Variants in CADPS2 observed in about 807,000 individuals in gnomAD.
The protein encoded by CADPS2 is calcium-dependent secretion activator 2.
Under a neutral mutation model 172.5 loss-of-function variants are expected in CADPS2, and 93 were observed. That is an observed-to-expected ratio of 0.54 (90% CI 0.46 to 0.64). The LOEUF is 0.64. Ranked by LOEUF, CADPS2 falls within the 30% of genes least tolerant of loss-of-function variation. The probability of loss-of-function intolerance (pLI) is 0.00; values close to 1 mark genes in which losing one functional copy is unlikely to be tolerated. For synonymous variants in CADPS2, 546 were observed against 555.2 expected (o/e 0.98, Z 0.23); for missense variants, 1,420 against 1,565.9 (o/e 0.91, Z 1.57).
At chr7:122,657,955 C>T (rs1427555289) in intron 3 of CADPS2, among the ~76,000 whole-genome samples, 1 of 152,046 alleles carries the variant, frequency 6.6e-6, no homozygotes, top group Non-Finnish European at 1.5e-5. Context: ...AACAGGCAAC[C>T]TACAGAATGG....
At position 122,876,020 on chromosome 7, in the gene CADPS2, T is replaced by TA. The variant is rs199905513; in HGVS notation, c.339+9978dup. Among the ~76,000 whole-genome samples the TA allele has an allele frequency of 4.2e-3, 632 of 149,488 alleles. 1 individual carries two copies. Among genetic ancestry groups the TA allele is most frequent in the Middle Eastern group, 0.038 (11 of 292 alleles). On this transcript the variant is annotated intron_variant, in intron 1 of 29. Coordinates refer to ENST00000449022, the MANE Select transcript of CADPS2 (RefSeq NM_017954.11). Reference sequence around the variant, plus strand: ...ACTTATAAAGTTAACAGATATAACTTAAAAAAAAAATGGAATCTGGCCAGG... The same window carrying TA: ...ACTTATAAAGTTAACAGATATAACTTAAAAAAAAAAATGGAATCTGGCCAGG...
chr7:122,859,070 CACAT>C (rs1816180836), intron 1 of CADPS2, among the ~76,000 whole-genome samples: 1 of 152,194 alleles, frequency 6.6e-6, no homozygotes, highest in Non-Finnish European at 1.5e-5. Flanking sequence ...TCAACCTCAA[CACAT>C]ACCTCAAAAG....
At chr7:122,494,642 G>GT (rs978648280) in intron 9 of CADPS2, among the ~76,000 whole-genome samples, 9 of 151,592 alleles carry the variant, frequency 5.9e-5, no homozygotes, top group Non-Finnish European at 1.2e-4. Context: ...ATAGTGTTGA[G>GT]TTTTTTAAAA....
At chr7:122,571,637 C>T (rs1349520696) in intron 7 of CADPS2, among the ~76,000 whole-genome samples, 1 of 152,114 alleles carries the variant, frequency 6.6e-6, no homozygotes, top group East Asian at 1.9e-4. Context: ...ATAAGCCAGA[C>T]CTAATTAGAA....
chr7:122,352,999 T>C (rs556604679), intron 27 of CADPS2, among the ~76,000 whole-genome samples: 3 of 152,318 alleles, frequency 2.0e-5, no homozygotes, highest in African/African-American at 7.2e-5. Context: ...TAACAATTTA[T>C]TGCAACAGTG....
chr7:122,665,466 G>A (rs1290939514), intron 2 of CADPS2, among the ~76,000 whole-genome samples: 4 of 152,102 alleles, frequency 2.6e-5, no homozygotes, highest in Admixed American at 2.6e-4. Context: ...CTACAATGAG[G>A]TTATGTCCTA....
intron 28 of CADPS2, chr7:122,332,061 T>C (rs1427052011): frequency 6.6e-6 from 1 of 152,212 alleles, no homozygotes; most frequent in Non-Finnish European, 1.5e-5. Context: ...AAGGTACCTA[T>C]TAATTATTTC....
chr7:122,601,370 A>C (rs1002438784), intron 6 of CADPS2, among the ~76,000 whole-genome samples: 2 of 152,078 alleles, frequency 1.3e-5, no homozygotes, highest in African/African-American at 4.8e-5. Flanking sequence ...CTATTTTATA[A>C]GCCAAAAGAC....
At chr7:122,625,318 G>C (rs2075984955) in intron 4 of CADPS2, among the ~76,000 whole-genome samples, 1 of 152,126 alleles carries the variant, frequency 6.6e-6, no homozygotes, top group Admixed American at 6.6e-5. Flanking sequence ...CCAAACTGCT[G>C]GGATTATAGG....
chr7:122,716,112 C>A (rs2089559288), intron 2 of CADPS2, among the ~76,000 whole-genome samples: 1 of 151,976 alleles, frequency 6.6e-6, no homozygotes, highest in Admixed American at 6.6e-5. Context: ...TCACATTATA[C>A]ACCATAAACA....
intron 1 of CADPS2, among the ~76,000 whole-genome samples, chr7:122,764,800 C>T (rs923169372): frequency 6.6e-6 from 1 of 152,064 alleles, no homozygotes; most frequent in East Asian, 1.9e-4. Context: ...CTGCGTGCAT[C>T]GAAGGCAGAC....
chr7:122,829,579 T>C (rs974954587), intron 1 of CADPS2, among the ~76,000 whole-genome samples: 2 of 152,158 alleles, frequency 1.3e-5, no homozygotes, highest in African/African-American at 4.8e-5. Flanking sequence ...TTAAAATATA[T>C]CGTGAAAAAT....
chr7:122,795,457 C>T (rs944244350), intron 1 of CADPS2, among the ~76,000 whole-genome samples: 3 of 151,602 alleles, frequency 2.0e-5, no homozygotes, highest in Non-Finnish European at 3.0e-5. Context: ...AAATTGAATC[C>T]TTAATGAACA....
At chr7:122,685,506 A>T (rs1211019648) in intron 2 of CADPS2, among the ~76,000 whole-genome samples, 1 of 152,212 alleles carries the variant, frequency 6.6e-6, no homozygotes, top group Non-Finnish European at 1.5e-5. Context: ...TCTCCTTAAC[A>T]CAAGTTTCAC....
intron 5 of CADPS2, among the ~76,000 whole-genome samples, chr7:122,617,240 A>C (rs1319339757): frequency 1.3e-5 from 2 of 152,218 alleles, no homozygotes; most frequent in Non-Finnish European, 2.9e-5. Context: ...TTTACCCTGC[A>C]GAATCGTCAT....
chr7:122,573,692 T>C (rs879835966), intron 7 of CADPS2, among the ~76,000 whole-genome samples: 3 of 152,048 alleles, frequency 2.0e-5, no homozygotes, highest in Non-Finnish European at 4.4e-5. Context: ...ACAAACTAAA[T>C]AGTTACCAGG....
intron 18 of CADPS2, among the ~76,000 whole-genome samples, chr7:122,415,820 A>G (rs6979826): frequency 0.28 from 43,166 of 152,044 alleles, 6,432 homozygotes; most frequent in Middle Eastern, 0.37. Flanking sequence ...GAAATTATAC[A>G]CACACACAAT....
intron 15 of CADPS2, among the ~76,000 whole-genome samples, chr7:122,449,964 G>C (rs749774280): frequency 6.6e-6 from 1 of 152,016 alleles, no homozygotes; most frequent in Non-Finnish European, 1.5e-5. Flanking sequence ...ACTAATGTAG[G>C]GGAATAGATT....
intron 16 of CADPS2, among the ~76,000 whole-genome samples, chr7:122,438,910 T>A (rs1221440125): frequency 6.7e-6 from 1 of 149,270 alleles, no homozygotes; most frequent in Non-Finnish European, 1.5e-5. Context: ...CCATTAAGAA[T>A]AAGCATAATC....
Sources: gnomAD v4.1 joint callset for allele counts (sites outside exome capture counted in the v4.1 genomes callset) on GRCh38, gnomAD v4.1.1 for gene constraint, MANE v1.5 for transcripts, NCBI Gene and HGNC (gene_info 2026-07-23, HGNC 2026-07-21) for gene names.